Variants in ERC2 observed in about 807,000 individuals in gnomAD.
ERC2 encodes ELKS/RAB6-interacting/CAST family member 2.
Under a neutral mutation model 114.8 loss-of-function variants are expected in ERC2, and 42 were observed. The observed-to-expected ratio is 0.37, with a 90% CI of 0.29 to 0.47. ERC2 has a LOEUF of 0.47. Among genes scored for constraint, ERC2 ranks in the 20% least tolerant of loss-of-function variants. ERC2 has a pLI of 0.99. For missense variants in ERC2, 939 were observed against 1,150.7 expected (o/e 0.82, Z 2.66); for synonymous variants, 454 against 425.5 (o/e 1.07, Z -0.82).
intron 13 of ERC2, among the ~76,000 whole-genome samples, chr3:55,937,473 A>C (rs2066517518): frequency 6.6e-6 from 1 of 152,348 alleles, no homozygotes; most frequent in South Asian, 2.1e-4. Flanking sequence ...GCTTTGTTCA[A>C]GACTCCAGCT....
intron 14 of ERC2, among the ~76,000 whole-genome samples, chr3:55,816,568 G>T (rs2059910970): frequency 6.6e-6 from 1 of 152,128 alleles, no homozygotes; most frequent in Admixed American, 6.5e-5. Context: ...CTCCTTGAAG[G>T]AACTCATTTC....
intron 3 of ERC2, among the ~76,000 whole-genome samples, chr3:56,238,200 T>A (rs1400689855): frequency 6.6e-6 from 1 of 152,210 alleles, no homozygotes; most frequent in Admixed American, 6.5e-5. Context: ...CACCTGAACT[T>A]GGACTCCAGA....
At chr3:55,750,407 C>T (rs1165182547) in intron 14 of ERC2, among the ~76,000 whole-genome samples, 4 of 152,160 alleles carry the variant, frequency 2.6e-5, no homozygotes, top group Non-Finnish European at 5.9e-5. Flanking sequence ...TAAGGTTGTC[C>T]AAGGTCCCAT....
intron 17 of ERC2, among the ~76,000 whole-genome samples, chr3:55,655,858 G>C (rs1188913843): frequency 6.6e-6 from 1 of 152,250 alleles, no homozygotes; most frequent in East Asian, 1.9e-4. Context: ...CACGTCAGGT[G>C]CCCTGCTAAA....
chr3:56,267,310 G>T (rs751047591), intron 3 of ERC2, among the ~76,000 whole-genome samples: 1 of 152,130 alleles, frequency 6.6e-6, no homozygotes, highest in Non-Finnish European at 1.5e-5. Context: ...TGCTATTTGG[G>T]TCAACGTGGG....
rs539566985 is a variant in ERC2 at position 56,323,065 on chromosome 3, T to C, written c.658-26630A>G. Among the ~76,000 whole-genome samples the C allele has an allele frequency of 2.0e-5, 3 of 152,290 alleles. No individual in the cohort carries two copies. In the East Asian group the frequency reaches 5.8e-4, roughly 29 times the overall value. On this transcript the variant is annotated intron_variant, in intron 2 of 17. Coordinates refer to ENST00000288221, the MANE Select transcript of ERC2 (RefSeq NM_015576.3). ...TACACACTGTGCTTCCCCTTCTGTTTTCTGCTGTGAGTTGAAGCAGCATGA... is the reference window on the plus strand; with the variant it reads ...TACACACTGTGCTTCCCCTTCTGTTCTCTGCTGTGAGTTGAAGCAGCATGA...
intron 7 of ERC2, among the ~76,000 whole-genome samples, chr3:56,056,499 C>A (rs2076020734): frequency 6.6e-6 from 1 of 152,156 alleles, no homozygotes. Context: ...CAGGTCATGT[C>A]CTTGAAGCTG....
At chr3:56,454,093 G>A (rs1381668930) in intron 1 of ERC2, among the ~76,000 whole-genome samples, 1 of 152,176 alleles carries the variant, frequency 6.6e-6, no homozygotes, top group Non-Finnish European at 1.5e-5. Flanking sequence ...GTCTTCACTT[G>A]AACCTTTTGC....
rs1315385736 is a variant in ERC2 at position 56,007,398 on chromosome 3, C to T, written c.1921-77G>A. 17 of 1,271,486 alleles carry T rather than the reference C, an allele frequency of 1.3e-5. No individual in the cohort carries two copies. In the East Asian group the frequency reaches 4.0e-4, roughly 30 times the overall value. 78.8% of individuals were successfully genotyped at this position (1,271,486 alleles called of 1,614,324 possible). A position where few individuals can be genotyped will look rare whatever the true frequency, so the allele number is the denominator to read the frequency against. Reference sequence around the variant, plus strand: ...TGCCTTCAATTTGAACACATTGATTCTATACATAGCAATAAAGTGTGCAGT... The same window carrying T: ...TGCCTTCAATTTGAACACATTGATTTTATACATAGCAATAAAGTGTGCAGT... On this transcript the variant is annotated intron_variant, in intron 9 of 17. Coordinates refer to ENST00000288221, the MANE Select transcript of ERC2 (RefSeq NM_015576.3).
chr3:56,464,798 C>T (rs919544686), intron 1 of ERC2, among the ~76,000 whole-genome samples: 5 of 151,630 alleles, frequency 3.3e-5, no homozygotes, highest in African/African-American at 9.7e-5. Flanking sequence ...GTAAACATTG[C>T]TGAAACTGAA....
chr3:56,145,385 A>C (rs1445695071), intron 5 of ERC2, among the ~76,000 whole-genome samples: 2 of 152,192 alleles, frequency 1.3e-5, no homozygotes, highest in East Asian at 3.9e-4. Context: ...AGCCTTATAC[A>C]GAAAGGAAAT....
At chr3:56,143,478 A>G (rs556099979) in intron 5 of ERC2, among the ~76,000 whole-genome samples, 1 of 152,266 alleles carries the variant, frequency 6.6e-6, no homozygotes, top group African/African-American at 2.4e-5. Context: ...GATAGTGAAT[A>G]AATCTCATGA....
intron 2 of ERC2, among the ~76,000 whole-genome samples, chr3:56,312,906 C>T (rs2056661252): frequency 1.3e-5 from 2 of 148,412 alleles, no homozygotes; most frequent in Admixed American, 1.4e-4. Context: ...AATCAAAGGC[C>T]TGTATCTTTT....
chr3:56,167,585 A>C (rs2082387243), intron 4 of ERC2, among the ~76,000 whole-genome samples: 2 of 152,204 alleles, frequency 1.3e-5, no homozygotes, highest in African/African-American at 2.4e-5. Context: ...TAAGGCAAAT[A>C]GTTAAATGGG....
chr3:55,603,810 C>T (rs1039005379), intron 17 of ERC2, among the ~76,000 whole-genome samples: 4 of 152,088 alleles, frequency 2.6e-5, no homozygotes, highest in African/African-American at 4.8e-5. Context: ...ACAAATCACA[C>T]GGTATACATG....
chr3:56,345,992 C>A (rs1328624464), intron 2 of ERC2, among the ~76,000 whole-genome samples: 1 of 152,212 alleles, frequency 6.6e-6, no homozygotes, highest in Non-Finnish European at 1.5e-5. Flanking sequence ...CAGAGATCTA[C>A]CCCTTAACTA....
intron 11 of ERC2, among the ~76,000 whole-genome samples, chr3:55,991,161 T>A (rs2071031328): frequency 6.6e-6 from 1 of 152,206 alleles, no homozygotes; most frequent in Non-Finnish European, 1.5e-5. Flanking sequence ...AGAGAGCTAC[T>A]CTGTGTATGT....
intron 14 of ERC2, among the ~76,000 whole-genome samples, chr3:55,836,137 C>A (rs148096105): frequency 0.17 from 26,380 of 150,772 alleles, 3,434 homozygotes; most frequent in African/African-American, 0.36. Flanking sequence ...TTCCATGCTC[C>A]TGGGTAGAAA....
At chr3:55,895,558 C>A (rs547246432) in intron 13 of ERC2, among the ~76,000 whole-genome samples, 1 of 152,224 alleles carries the variant, frequency 6.6e-6, no homozygotes, top group Non-Finnish European at 1.5e-5. Context: ...GTTTTCATTG[C>A]CTGCACCCAT....
Sources: gnomAD v4.1 joint callset for allele counts (sites outside exome capture counted in the v4.1 genomes callset) on GRCh38, gnomAD v4.1.1 for gene constraint, MANE v1.5 for transcripts, NCBI Gene and HGNC (gene_info 2026-07-23, HGNC 2026-07-21) for gene names.